ANKS1B: variants seen among roughly 807,000 people sequenced by gnomAD.
ANKS1B encodes the protein ankyrin repeat and sterile alpha motif domain-containing protein 1B.
Under a neutral mutation model 148.3 loss-of-function variants are expected in ANKS1B, and 36 were observed. The ratio of observed to expected loss-of-function variants is 0.24; its 90% CI spans 0.19 to 0.32. The LOEUF is 0.32. Among genes scored for constraint, ANKS1B ranks in the 10% least tolerant of loss-of-function variants. The pLI is 1.00. For missense variants in ANKS1B, 1,157 were observed against 1,542.6 expected (o/e 0.75, Z 4.19); for synonymous variants, 542 against 560.8 (o/e 0.97, Z 0.47).
In ANKS1B at chr12:99,819,812, G is replaced by C. The variant is rs150539469; in HGVS notation, c.215+5497C>G. ...AAAAATAATGGATGAAAAGAAGAGA[G>C]GAGAAAAGTCAGAAAGAAGGAAAAG... On this transcript the variant is annotated intron_variant, in intron 2 of 26. Coordinates refer to ENST00000683438, the MANE Select transcript of ANKS1B (RefSeq NM_001352186.2). Among the ~76,000 whole-genome samples, 407 of 151,146 alleles carry C rather than the reference G, an allele frequency of 2.7e-3. 1 individual carries two copies. Among genetic ancestry groups the C allele is most frequent in the African/African-American group, 8.8e-3 (364 of 41,316 alleles).
intron 9 of ANKS1B, among the ~76,000 whole-genome samples, chr12:99,594,864 T>C (rs141419819): frequency 0.017 from 2,527 of 151,318 alleles, 31 homozygotes; most frequent in Non-Finnish European, 0.025. Flanking sequence ...GTAAATCTGA[T>C]GTTAAGTGTT....
chr12:98,911,232 T>C (rs2099786411), intron 17 of ANKS1B, among the ~76,000 whole-genome samples: 1 of 152,220 alleles, frequency 6.6e-6, no homozygotes, highest in Non-Finnish European at 1.5e-5. Context: ...AATGGATTTA[T>C]GCCTCACTGA....
At chr12:99,562,611 T>A (rs1171969254) in intron 9 of ANKS1B, among the ~76,000 whole-genome samples, 1 of 152,172 alleles carries the variant, frequency 6.6e-6, no homozygotes, top group Admixed American at 6.5e-5. Flanking sequence ...CTTACAATCA[T>A]GGTGGAAGGG....
chr12:98,812,139 A>G (rs1257767563), intron 19 of ANKS1B, among the ~76,000 whole-genome samples: 1 of 152,226 alleles, frequency 6.6e-6, no homozygotes, highest in East Asian at 1.9e-4. Flanking sequence ...GTCATGCACA[A>G]CATAACGATG....
At chr12:99,666,171 G>A (rs2098505824) in intron 8 of ANKS1B, among the ~76,000 whole-genome samples, 1 of 152,266 alleles carries the variant, frequency 6.6e-6, no homozygotes, top group Non-Finnish European at 1.5e-5. Flanking sequence ...CTATTGACCT[G>A]TAAATCTCTT....
intron 14 of ANKS1B, among the ~76,000 whole-genome samples, chr12:99,156,526 C>G (rs1409008137): frequency 6.6e-6 from 1 of 152,210 alleles, no homozygotes; most frequent in Non-Finnish European, 1.5e-5. Context: ...TGCAGTTCAT[C>G]TAACTTTATT....
intron 1 of ANKS1B, among the ~76,000 whole-genome samples, chr12:99,858,031 A>T (rs2089449810): frequency 6.6e-6 from 1 of 152,186 alleles, no homozygotes; most frequent in Non-Finnish European, 1.5e-5. Context: ...AAAGACAAAT[A>T]GATGGGACTT....
chr12:98,740,283 A>G (rs2097791581), downstream of ANKS1B, among the ~76,000 whole-genome samples: 1 of 152,136 alleles, frequency 6.6e-6, no homozygotes, highest in Admixed American at 6.6e-5. Flanking sequence ...TCCAGTGTGC[A>G]GTGGAGGTTG....
Position 98,807,897 on chromosome 12 carries a change from A to G in ANKS1B, c.3088T>C (p.Trp1030Arg), listed in dbSNP as rs1034905660. 2 of 1,613,336 alleles carry G rather than the reference A, an allele frequency of 1.2e-6. No individual in the cohort carries two copies. The highest frequency in any genetic ancestry group is 8.5e-7 in the Non-Finnish European group (1 of 1,179,644). Residue 1030 changes from tryptophan to arginine, a missense_variant, in exon 20 of 27, where the codon TGG (tryptophan) becomes CGG (arginine). Coordinates refer to ENST00000683438, the MANE Select transcript of ANKS1B (RefSeq NM_001352186.2). ...MAQQSSVCEI[W>R]TNQNAGFPFS... ...GGAAATCCTGCGTTCTGATTCGTCCATATTTCACAGACAGACGACTGCTGA... is the reference window on the plus strand; with the variant it reads ...GGAAATCCTGCGTTCTGATTCGTCCGTATTTCACAGACAGACGACTGCTGA...
At chr12:99,322,944 T>G (rs2085585534) in intron 12 of ANKS1B, among the ~76,000 whole-genome samples, 1 of 152,202 alleles carries the variant, frequency 6.6e-6, no homozygotes, top group Admixed American at 6.5e-5. Flanking sequence ...ATGTAACATG[T>G]GTCTTTCACC....
chr12:99,642,411 G>C (rs1048611645), intron 9 of ANKS1B, among the ~76,000 whole-genome samples: 1 of 152,116 alleles, frequency 6.6e-6, no homozygotes, highest in Admixed American at 6.6e-5. Flanking sequence ...TAGTATTATA[G>C]CTTAAAATAA....
At chr12:99,084,190 T>C (rs1043006272) in intron 16 of ANKS1B, among the ~76,000 whole-genome samples, 15 of 152,162 alleles carry the variant, frequency 9.9e-5, no homozygotes, top group East Asian at 5.8e-4. Flanking sequence ...GTAGGGACCA[T>C]GGAGGATAAG....
chr12:98,737,502 C>T (rs1470417476), intron 9 of ANKS1B, among the ~76,000 whole-genome samples: 2 of 152,174 alleles, frequency 1.3e-5, no homozygotes, highest in Non-Finnish European at 2.9e-5. Context: ...ATCGTAAGCT[C>T]CTTGAAAGCC....
intron 22 of ANKS1B, among the ~76,000 whole-genome samples, chr12:98,785,718 T>C (rs1025797215): frequency 2.0e-4 from 30 of 152,200 alleles, no homozygotes; most frequent in African/African-American, 6.8e-4. Context: ...GCGCCTACTC[T>C]GAACATCAAG....
chr12:99,780,578 G>A lies in ANKS1B; in HGVS notation c.746-606C>T, dbSNP rs376587179. 1.6e-3 allele frequency among the ~76,000 whole-genome samples: 239 copies of A among 152,086 alleles called. 1 individual carries two copies. Among genetic ancestry groups the A allele is most frequent in the African/African-American group, 5.4e-3 (223 of 41,490 alleles). ...ATTACAGGCTTGAGCCACCACGCCC[G>A]GCTGACCCTATGGTATCTTTGGGTT... On this transcript the variant is annotated intron_variant, in intron 5 of 26. Coordinates refer to ENST00000683438, the MANE Select transcript of ANKS1B (RefSeq NM_001352186.2).
At chr12:99,605,225 T>G (rs1435117737) in intron 9 of ANKS1B, among the ~76,000 whole-genome samples, 1 of 152,102 alleles carries the variant, frequency 6.6e-6, no homozygotes, top group Non-Finnish European at 1.5e-5. Context: ...GATACAGAAT[T>G]ATGCATACTT....
Position 99,890,833 on chromosome 12 carries a change from G to C in ANKS1B, c.135-65444C>G, listed in dbSNP as rs188887892. On this transcript the variant is annotated intron_variant, in intron 1 of 26. Transcript: ENST00000683438. ...TTCCTTTAGTGGCTGTGGAGAGCAA[G>C]CAGTACAGAAGTTAGCACTAGGTGA... is the stretch of plus-strand genomic sequence containing the variant. Among the ~76,000 whole-genome samples, 256 of 152,204 alleles carry C rather than the reference G, an allele frequency of 1.7e-3. 1 individual carries two copies. The highest frequency in any genetic ancestry group is 6.8e-3 in the Middle Eastern group (2 of 294).
intron 17 of ANKS1B, among the ~76,000 whole-genome samples, chr12:98,838,055 G>T (rs923361046): frequency 2.0e-5 from 3 of 152,156 alleles, no homozygotes; most frequent in African/African-American, 7.2e-5. Flanking sequence ...CTTTTCTTCA[G>T]TTCTTTAAAG....
At chr12:99,818,325 A>C (rs1422519399) in intron 2 of ANKS1B, among the ~76,000 whole-genome samples, 1 of 151,818 alleles carries the variant, frequency 6.6e-6, no homozygotes, top group Non-Finnish European at 1.5e-5. Context: ...TTGATTGATG[A>C]GCATTTGGGT....
Sources: gnomAD v4.1 joint callset for allele counts (sites outside exome capture counted in the v4.1 genomes callset) on GRCh38, gnomAD v4.1.1 for gene constraint, MANE v1.5 for transcripts, NCBI Gene and HGNC (gene_info 2026-07-23, HGNC 2026-07-21) for gene names.